DAGLB: variants seen among roughly 807,000 people sequenced by gnomAD.
DAGLB encodes diacylglycerol lipase beta.
A neutral mutation model predicts 72.1 loss-of-function variants in DAGLB; 66 were observed. That is an observed-to-expected ratio of 0.92 (90% confidence interval 0.75 to 1.12). The LOEUF is 1.12. DAGLB is among the 50% of genes most tolerant of loss of function. The pLI, the probability that DAGLB is intolerant of heterozygous loss-of-function variation, is 0.00. For missense variants in DAGLB, 1,065 were observed against 884.9 expected (o/e 1.20, Z -2.58); for synonymous variants, 414 against 359.5 (o/e 1.15, Z -1.71).
intron 6 of DAGLB, among the ~76,000 whole-genome samples, chr7:6,428,279 G>A (rs1267840988): frequency 1.4e-5 from 2 of 141,744 alleles, no homozygotes; most frequent in Non-Finnish European, 1.5e-5. Flanking sequence ...CTGGGAGATG[G>A]AGGTTGCAGT....
In DAGLB at chr7:6,446,001, C is replaced by A; in HGVS notation, c.199G>T (p.Ala67Ser). The change falls in exon 2 of 15, where the codon GCA becomes TCA. Residue 67 changes from alanine (A) to serine (S), a missense_variant. Ala to Ser is a moderately conservative substitution (Grantham distance 99). Transcript: ENST00000297056. ...GCTGACACAGTACATATGACAACTG[C>A]CAGGAGAATCATGAGGACGATCAAG... is the stretch of plus-strand genomic sequence containing the variant. Reference protein sequence around the residue: ...SYLIVLMILLAVVICTVSAIM... With the variant: ...SYLIVLMILLSVVICTVSAIM... 6.2e-7 allele frequency: 1 copy of A among 1,613,656 alleles called. No individual in the cohort carries two copies.
At chr7:6,443,008 C>G (rs1356987904) in intron 2 of DAGLB, among the ~76,000 whole-genome samples, 5 of 113,778 alleles carry the variant, frequency 4.4e-5, no homozygotes, top group African/African-American at 1.7e-4. Context: ...CCCGTCTCTT[C>G]TAAAAATACA....
chr7:6,437,646 T>C (rs1283223913), intron 2 of DAGLB, among the ~76,000 whole-genome samples: 3 of 152,060 alleles, frequency 2.0e-5, no homozygotes, highest in African/African-American at 7.2e-5. Flanking sequence ...GTTTTTTGGT[T>C]AATTTTTGTT....
At chr7:6,424,519 G>A (rs1189080822) in intron 8 of DAGLB, among the ~76,000 whole-genome samples, 2 of 152,166 alleles carry the variant, frequency 1.3e-5, no homozygotes, top group African/African-American at 4.8e-5. Flanking sequence ...CTGTGGCGGG[G>A]GGGCCAACCT....
In DAGLB at chr7:6,410,183, A is replaced by AG. The variant is rs746671332; in HGVS notation, c.1766dup (p.Leu590SerfsTer28). The AG allele has an allele frequency of 3.1e-6, 5 of 1,594,622 alleles. No homozygotes were observed. Among genetic ancestry groups the AG allele is most frequent in the Non-Finnish European group, 4.3e-6 (5 of 1,168,062 alleles). On this transcript the variant is annotated frameshift_variant, in exon 14 of 15. Coordinates refer to ENST00000297056, the MANE Select transcript of DAGLB (RefSeq NM_139179.4). LOFTEE classifies it high-confidence loss of function. ...GGATGATCCTGCCGGGAGGGTAGAGAGGGGGGTACTTGGGAGAAGAGTCCA... is the reference window on the plus strand; with the variant it reads ...GGATGATCCTGCCGGGAGGGTAGAGAGGGGGGGTACTTGGGAGAAGAGTCCA...
At chr7:6,423,932 G>A (rs780932453) in intron 8 of DAGLB, among the ~76,000 whole-genome samples, 4 of 152,116 alleles carry the variant, frequency 2.6e-5, no homozygotes, top group African/African-American at 7.2e-5. Flanking sequence ...GGCGCCCCCC[G>A]GGAGGAGCAG....
chr7:6,437,624 T>G (rs181594961), intron 2 of DAGLB, among the ~76,000 whole-genome samples: 1 of 152,008 alleles, frequency 6.6e-6, no homozygotes, highest in East Asian at 1.9e-4. Context: ...AGACAGTTGT[T>G]TTTTTGTGGG....
chr7:6,444,462 C>T (rs987346487), intron 2 of DAGLB, among the ~76,000 whole-genome samples: 3 of 151,884 alleles, frequency 2.0e-5, no homozygotes, highest in Admixed American at 6.6e-5. Context: ...ATTAGCCAGG[C>T]GTGGTAGCGG....
chr7:6,424,758 AGACATGGTCCCCCTCACAGC>A lies in DAGLB; in HGVS notation c.1114_1133del (p.Ala372SerfsTer13), dbSNP rs1157588237. ...AGTCAGGTTCCAACGTTACCTGCAG[AGACATGGTCCCCCTCACAGC>A]GACCACAACAGACTCTTTCCTGTGA... On this transcript the variant is annotated frameshift_variant, in exon 8 of 15. Transcript: ENST00000297056. LOFTEE classifies it high-confidence loss of function. The A allele has an allele frequency of 6.2e-7, 1 of 1,613,670 alleles. No individual in the cohort carries two copies. The highest frequency in any genetic ancestry group is 8.5e-7 in the Non-Finnish European group (1 of 1,179,832).
At chr7:6,445,398 C>T (rs907696368) in intron 2 of DAGLB, among the ~76,000 whole-genome samples, 1 of 152,180 alleles carries the variant, frequency 6.6e-6, no homozygotes, top group African/African-American at 2.4e-5. Context: ...ATAAATTCCA[C>T]TTATATGATG....
At chr7:6,434,619 A>C (rs1784595223) in intron 4 of DAGLB, 143 bp downstream of exon 4, 1 of 1,357,204 alleles carries the variant, frequency 7.4e-7, no homozygotes, top group African/African-American at 1.5e-5. Context: ...GGCTCATCAC[A>C]GACAGAGGGT....
At chr7:6,435,722 CTA>C (rs1350552848) in intron 3 of DAGLB, among the ~76,000 whole-genome samples, 1 of 152,152 alleles carries the variant, frequency 6.6e-6, no homozygotes, top group African/African-American at 2.4e-5. Flanking sequence ...GGCCTCTCAT[CTA>C]TATGTTTAAA....
chr7:6,438,735 C>G (rs548297230), intron 2 of DAGLB, among the ~76,000 whole-genome samples: 9 of 152,210 alleles, frequency 5.9e-5, no homozygotes, highest in African/African-American at 2.2e-4. Context: ...GATTAAGGTT[C>G]CAGAAAATAA....
At chr7:6,434,248 A>C (rs76078972) in intron 4 of DAGLB, among the ~76,000 whole-genome samples, 1 of 152,154 alleles carries the variant, frequency 6.6e-6, no homozygotes, top group African/African-American at 2.4e-5. Context: ...AAAAAAAAAA[A>C]ACAAGCATTT....
chr7:6,411,988 T>A (rs1783744604), intron 13 of DAGLB, among the ~76,000 whole-genome samples: 1 of 141,238 alleles, frequency 7.1e-6, no homozygotes, highest in Non-Finnish European at 1.5e-5. Context: ...CGATCTTGGC[T>A]TATGCAACCT....
chr7:6,420,814 C>T (rs1784089769), intron 9 of DAGLB, among the ~76,000 whole-genome samples: 1 of 152,192 alleles, frequency 6.6e-6, no homozygotes, highest in East Asian at 1.9e-4. Flanking sequence ...GGAGCTGAGG[C>T]AGCCTCACAC....
At chr7:6,438,989 G>A (rs1460363405) in intron 2 of DAGLB, among the ~76,000 whole-genome samples, 1 of 152,060 alleles carries the variant, frequency 6.6e-6, no homozygotes, top group East Asian at 1.9e-4. Flanking sequence ...GGGAGGCCGA[G>A]GTGGATGGAC....
intron 2 of DAGLB, among the ~76,000 whole-genome samples, chr7:6,441,705 C>G (rs1315340507): frequency 6.6e-6 from 1 of 152,180 alleles, no homozygotes; most frequent in African/African-American, 2.4e-5. Flanking sequence ...GTGTAAGCCA[C>G]CGCGCCTGGC....
chr7:6,421,784 T>C lies in DAGLB; in HGVS notation c.1161A>G (p.Ser387=), dbSNP rs769701444. ...MSLQDVLTDL[S]AESEVLDVEC... ...CCACGTCCAGCACCTCACTCTCCGC[T>C]GACAGGTCCGTAAGGACATCCTGTA... The change falls in exon 9 of 15, where the codon TCA becomes TCG. Residue 387 remains serine, a synonymous_variant. Coordinates refer to ENST00000297056, the MANE Select transcript of DAGLB (RefSeq NM_139179.4). The C allele has an allele frequency of 1.9e-6, 3 of 1,613,282 alleles. No individual in the cohort carries two copies. The highest frequency in any genetic ancestry group is 3.3e-4 in the Middle Eastern group (2 of 6,058).
Sources: gnomAD v4.1 joint callset for allele counts (sites outside exome capture counted in the v4.1 genomes callset) on GRCh38, gnomAD v4.1.1 for gene constraint, MANE v1.5 for transcripts, NCBI Gene and HGNC (gene_info 2026-07-23, HGNC 2026-07-21) for gene names.